Variants in SHISA6 observed in about 807,000 individuals in gnomAD.
SHISA6 encodes shisa family member 6.
In SHISA6, 22 loss-of-function variants were observed where a neutral mutation model predicts 47.9. The observed-to-expected ratio is 0.46, with a 90% CI of 0.33 to 0.66. SHISA6 has a LOEUF of 0.66. Ranked by LOEUF, SHISA6 falls within the 30% of genes least tolerant of loss-of-function variation. SHISA6 has a pLI of 0.02. For missense variants in SHISA6, 680 were observed against 764.6 expected, an observed-to-expected ratio of 0.89 and a Z score of 1.30; for synonymous variants, 388 against 337.8, an observed-to-expected ratio of 1.15 and a Z score of -1.63.
intron 2 of SHISA6, among the ~76,000 whole-genome samples, chr17:11,284,585 G>A (rs1411318272): frequency 1.3e-5 from 2 of 152,110 alleles, no homozygotes; most frequent in Admixed American, 6.6e-5. Context: ...CATGTTTTTA[G>A]TGCATTTTCT....
chr17:11,417,895 G>A lies in SHISA6; in HGVS notation c.895+38386G>A, dbSNP rs930677758. On this transcript the variant is annotated intron_variant, in intron 3 of 5. Transcript: ENST00000441885. ...GGAAAATGCTTAGTCCGTTTTAAAG[G>A]GAAGTTGATAAGGAGATGTACTGAA... is the stretch of plus-strand genomic sequence containing the variant. 3.2e-4 allele frequency among the ~76,000 whole-genome samples: 49 copies of A among 152,316 alleles called. 1 individual carries two copies. Among genetic ancestry groups the A allele is most frequent in the South Asian group, 6.2e-4 (3 of 4,830 alleles).
In SHISA6 at chr17:11,327,939, GTCTC is replaced by G. The variant is rs553091579; in HGVS notation, c.800-51471_800-51468del. 4.3e-3 allele frequency among the ~76,000 whole-genome samples: 604 copies of G among 141,886 alleles called. 5 individuals are homozygous for G. Among genetic ancestry groups the G allele is most frequent in the Non-Finnish European group, 7.3e-3 (481 of 65,608 alleles). The allele number at this position is 141,886 out of a possible 152,430, so 93.1% of individuals were successfully genotyped here. ...TCTCTCTGTCTCTCTCTCTCTCTCTGTCTCTCTGTCTCTCTCTCTCTCATAGATA... is the reference window on the plus strand; with the variant it reads ...TCTCTCTGTCTCTCTCTCTCTCTCTGTCTGTCTCTCTCTCTCTCATAGATA... On this transcript the variant is annotated intron_variant, in intron 2 of 5. Coordinates refer to ENST00000441885, the MANE Select transcript of SHISA6 (RefSeq NM_207386.4).
intron 2 of SHISA6, among the ~76,000 whole-genome samples, chr17:11,368,190 C>A (rs963577936): frequency 2.6e-5 from 4 of 152,182 alleles, no homozygotes; most frequent in Admixed American, 6.5e-5. Context: ...CCAACCCACA[C>A]AAACATGAAA....
chr17:11,253,775 CT>C (rs1907907402), intron 1 of SHISA6, among the ~76,000 whole-genome samples: 1 of 152,194 alleles, frequency 6.6e-6, no homozygotes, highest in Admixed American at 6.5e-5. Context: ...CCAACTCTCT[CT>C]CTTTCGGCTT....
chr17:11,398,060 C>T (rs1913634517), intron 3 of SHISA6, among the ~76,000 whole-genome samples: 1 of 151,832 alleles, frequency 6.6e-6, no homozygotes, highest in Non-Finnish European at 1.5e-5. Context: ...GTCCTTAAGG[C>T]TGTTTAATTC....
chr17:11,337,599 G>C (rs1166938238), intron 2 of SHISA6, among the ~76,000 whole-genome samples: 1 of 152,130 alleles, frequency 6.6e-6, no homozygotes, highest in Non-Finnish European at 1.5e-5. Flanking sequence ...AAAAAGGCAG[G>C]GACTCCTTTT....
At chr17:11,391,881 C>T (rs138573277) in intron 3 of SHISA6, among the ~76,000 whole-genome samples, 284 of 152,322 alleles carry the variant, frequency 1.9e-3, no homozygotes, top group African/African-American at 6.4e-3. Context: ...TTGAACACCC[C>T]ATGTGTTCTC....
intron 3 of SHISA6, among the ~76,000 whole-genome samples, chr17:11,516,574 C>G (rs1374426127): frequency 6.6e-6 from 1 of 152,184 alleles, no homozygotes; most frequent in Admixed American, 6.5e-5. Flanking sequence ...ATGTTCCAAT[C>G]CCCATGGTGT....
At chr17:11,471,111 A>G (rs1322342278) in intron 3 of SHISA6, among the ~76,000 whole-genome samples, 10 of 151,850 alleles carry the variant, frequency 6.6e-5, no homozygotes, top group Admixed American at 6.6e-4. Context: ...CGGGAGGCTG[A>G]AGCAGGAGAA....
intron 4 of SHISA6, among the ~76,000 whole-genome samples, chr17:11,553,708 A>G (rs796178458): frequency 2.0e-4 from 31 of 152,282 alleles, no homozygotes; most frequent in African/African-American, 7.2e-4. Context: ...ACTATGAAGG[A>G]TTCAAAAAAA....
At chr17:11,450,707 A>G (rs1915372634) in intron 3 of SHISA6, among the ~76,000 whole-genome samples, 1 of 151,872 alleles carries the variant, frequency 6.6e-6, no homozygotes, top group South Asian at 2.1e-4. Flanking sequence ...AAGAAAAGAA[A>G]AAAAAATCAG....
intron 2 of SHISA6, among the ~76,000 whole-genome samples, chr17:11,320,040 C>T (rs1196673285): frequency 6.6e-6 from 1 of 152,048 alleles, no homozygotes; most frequent in Non-Finnish European, 1.5e-5. Context: ...CTTTTTGTGT[C>T]CCTAGGGTTC....
At chr17:11,374,882 C>T (rs1194616231) in intron 2 of SHISA6, among the ~76,000 whole-genome samples, 2 of 151,714 alleles carry the variant, frequency 1.3e-5, no homozygotes, top group African/African-American at 2.4e-5. Context: ...ATGAAATGGG[C>T]GTCATCATTG....
At chr17:11,331,761 C>T (rs1455964562) in intron 2 of SHISA6, among the ~76,000 whole-genome samples, 5 of 144,826 alleles carry the variant, frequency 3.5e-5, no homozygotes, top group Non-Finnish European at 7.6e-5. Context: ...CACACACACA[C>T]AGCCCCCTTG....
chr17:11,445,810 G>C (rs1022844095), intron 3 of SHISA6, among the ~76,000 whole-genome samples: 2 of 152,122 alleles, frequency 1.3e-5, no homozygotes, highest in Non-Finnish European at 2.9e-5. Flanking sequence ...AGAGATCAGA[G>C]CAGGCTTTTC....
Position 11,461,167 on chromosome 17 carries a change from G to T in SHISA6, c.895+81658G>T, listed in dbSNP as rs142065183. On this transcript the variant is annotated intron_variant, in intron 3 of 5. Transcript: ENST00000441885. Reference sequence around the variant, plus strand: ...AATCCCAGCACTTCAGGAGGCGGAGGCAGGCGGATCACGAGGTCAGGAGAT... The same window carrying T: ...AATCCCAGCACTTCAGGAGGCGGAGTCAGGCGGATCACGAGGTCAGGAGAT... Among the ~76,000 whole-genome samples the T allele has an allele frequency of 1.0e-3, 157 of 152,272 alleles. 1 individual carries two copies. The highest frequency in any genetic ancestry group is 3.5e-3 in the African/African-American group (146 of 41,574).
At chr17:11,485,201 G>A (rs972939777) in intron 3 of SHISA6, among the ~76,000 whole-genome samples, 5 of 152,176 alleles carry the variant, frequency 3.3e-5, no homozygotes, top group Admixed American at 3.3e-4. Flanking sequence ...AGAAGGGAAA[G>A]AGACTCTAGA....
intron 3 of SHISA6, among the ~76,000 whole-genome samples, chr17:11,403,336 C>A (rs1913842352): frequency 6.6e-6 from 1 of 152,134 alleles, no homozygotes; most frequent in South Asian, 2.1e-4. Context: ...TGCATGGATG[C>A]AAATACTACC....
chr17:11,512,887 C>A (rs111819573), intron 3 of SHISA6, among the ~76,000 whole-genome samples: 9,270 of 152,018 alleles, frequency 0.061, 306 homozygotes, highest in Middle Eastern at 0.099. Flanking sequence ...TTATTCAACT[C>A]ATCTACTATT....
Sources: gnomAD v4.1 joint callset for allele counts (sites outside exome capture counted in the v4.1 genomes callset) on GRCh38, gnomAD v4.1.1 for gene constraint, MANE v1.5 for transcripts, NCBI Gene and HGNC (gene_info 2026-07-23, HGNC 2026-07-21) for gene names.